The following PLEKHA7 variants were observed in gnomAD, a reference collection of about 807,000 sequenced individuals.
PLEKHA7 encodes pleckstrin homology domain containing A7.
In PLEKHA7, 104 loss-of-function variants were observed where a neutral mutation model predicts 170.0. That is an observed-to-expected ratio of 0.61 (90% CI 0.52 to 0.72). PLEKHA7 has a LOEUF of 0.72. Ranked by LOEUF, PLEKHA7 falls within the 30% of genes least tolerant of loss-of-function variation. The pLI is 0.00. For missense variants in PLEKHA7, 1,615 were observed against 1,671.7 expected (o/e 0.97, Z 0.59); for synonymous variants, 648 against 660.8 (o/e 0.98, Z 0.30).
Position 16,789,749 on chromosome 11 carries a change from G to A in PLEKHA7, c.3156+26C>T. 1 of 1,583,822 alleles carries A rather than the reference G, an allele frequency of 6.3e-7. No homozygotes were observed. Among genetic ancestry groups the A allele is most frequent in the Non-Finnish European group, 8.7e-7 (1 of 1,153,520 alleles). On this transcript the variant is annotated intron_variant, in intron 22 of 26. Transcript: ENST00000531066. The surrounding 1 kb of genome is among the most constrained non-coding windows in gnomAD (Gnocchi z 4.6). The stretch of plus-strand genomic sequence containing the variant: ...CCTCCCCATGTGAAGGAGCAGGGAG[G>A]TCCTCGACAGCTCAAGGCCACTCAC...
intron 3 of PLEKHA7, among the ~76,000 whole-genome samples, chr11:16,956,496 G>T (rs1861711174): frequency 6.6e-6 from 1 of 152,228 alleles, no homozygotes; most frequent in Non-Finnish European, 1.5e-5. Context: ...TCTCAGTTTA[G>T]TGTTCCTCCC....
intron 17 of PLEKHA7, among the ~76,000 whole-genome samples, chr11:16,798,218 C>T (rs572803000): frequency 1.3e-5 from 2 of 152,338 alleles, no homozygotes; most frequent in South Asian, 2.1e-4. Flanking sequence ...TTTTCTAGGG[C>T]TCTAACAGCC....
intron 3 of PLEKHA7, among the ~76,000 whole-genome samples, chr11:17,009,710 A>G (rs985391090): frequency 6.6e-6 from 1 of 152,014 alleles, no homozygotes; most frequent in African/African-American, 2.4e-5. Flanking sequence ...ATCATAGCTC[A>G]TGGTAAACTC....
At chr11:16,823,996 T>C (rs1850440651) in intron 10 of PLEKHA7, among the ~76,000 whole-genome samples, 1 of 152,184 alleles carries the variant, frequency 6.6e-6, no homozygotes, top group African/African-American at 2.4e-5. Context: ...AAGTGAAATA[T>C]GCCAGGCACA....
chr11:16,937,112 T>C (rs1425257857), intron 3 of PLEKHA7, among the ~76,000 whole-genome samples: 1 of 152,084 alleles, frequency 6.6e-6, no homozygotes, highest in African/African-American at 2.4e-5. Flanking sequence ...AAATTGTTAA[T>C]AACCGTGGAG....
chr11:16,924,372 G>A (rs1031550076), intron 3 of PLEKHA7, among the ~76,000 whole-genome samples: 9 of 152,188 alleles, frequency 5.9e-5, no homozygotes, highest in African/African-American at 1.9e-4. Flanking sequence ...GGGCACTGGC[G>A]GAGCACGCAA....
In PLEKHA7 at chr11:16,855,079, T is replaced by C. The variant is rs558766840; in HGVS notation, c.418-86A>G. 7.3e-6 allele frequency: 8 copies of C among 1,090,724 alleles called. No individual in the cohort carries two copies. The African/African-American group carries it at 1.1e-4, about 15-fold the overall frequency. The allele number at this position is 1,090,724 out of a possible 1,614,324, so 67.6% of individuals were successfully genotyped here. A position where few individuals can be genotyped will look rare whatever the true frequency, so the allele number is the denominator to read the frequency against. ...TGTATGTTAGGAGGACCGTCGGCTC[T>C]CTCTGCCTCACTCTAAATGGCAGCA... On this transcript the variant is annotated intron_variant, in intron 5 of 26. Coordinates refer to ENST00000531066, the MANE Select transcript of PLEKHA7 (RefSeq NM_001329630.2).
chr11:16,955,511 A>G (rs1049050193), intron 3 of PLEKHA7, among the ~76,000 whole-genome samples: 1 of 152,226 alleles, frequency 6.6e-6, no homozygotes, highest in Non-Finnish European at 1.5e-5. Flanking sequence ...CCTGGCACCC[A>G]GTAGAGGTTC....
chr11:16,818,885 C>T (rs1026792810), intron 10 of PLEKHA7, among the ~76,000 whole-genome samples: 7 of 151,682 alleles, frequency 4.6e-5, no homozygotes, highest in Non-Finnish European at 8.8e-5. Flanking sequence ...CTCACTGCAA[C>T]CTTCGCCTCC....
chr11:16,820,022 C>T (rs1032938467), intron 10 of PLEKHA7, among the ~76,000 whole-genome samples: 1 of 152,146 alleles, frequency 6.6e-6, no homozygotes. Context: ...ATAATGTATA[C>T]ATATATTAAA....
At chr11:16,975,170 C>A (rs1292639421) in intron 3 of PLEKHA7, among the ~76,000 whole-genome samples, 1 of 152,014 alleles carries the variant, frequency 6.6e-6, no homozygotes, top group Non-Finnish European at 1.5e-5. Context: ...AGAAATGTAC[C>A]CTCTTCTAAG....
chr11:16,987,804 C>T (rs1382223993), intron 3 of PLEKHA7, among the ~76,000 whole-genome samples: 1 of 151,870 alleles, frequency 6.6e-6, no homozygotes, highest in African/African-American at 2.4e-5. Flanking sequence ...CTGCCTCCTA[C>T]ACTCAACTAG....
At chr11:16,828,272 G>C (rs746290946) in intron 9 of PLEKHA7, among the ~76,000 whole-genome samples, 8 of 152,202 alleles carry the variant, frequency 5.3e-5, no homozygotes, top group Admixed American at 1.3e-4. Context: ...TCTCCTGACA[G>C]TGGGTGCGTT....
intron 9 of PLEKHA7, 85 bp from the exon 10 acceptor site, chr11:16,826,675 T>G: frequency 1.6e-6 from 2 of 1,218,252 alleles, no homozygotes; most frequent in Non-Finnish European, 2.3e-6. Context: ...CCTGCAGGCC[T>G]TTGCACAGGC....
chr11:16,827,181 G>A (rs955235888), intron 9 of PLEKHA7, among the ~76,000 whole-genome samples: 2 of 152,198 alleles, frequency 1.3e-5, no homozygotes, highest in Non-Finnish European at 2.9e-5. Flanking sequence ...AAGTACAAAT[G>A]ATAGCATAAT....
At chr11:16,987,327 C>A (rs571175001) in intron 3 of PLEKHA7, among the ~76,000 whole-genome samples, 1 of 150,824 alleles carries the variant, frequency 6.6e-6, no homozygotes, top group Non-Finnish European at 1.5e-5. Context: ...GCTAGGCCAA[C>A]CTTGGCCTTG....
At chr11:16,886,292 G>A (rs553661106) in intron 3 of PLEKHA7, among the ~76,000 whole-genome samples, 30 of 152,306 alleles carry the variant, frequency 2.0e-4, no homozygotes, top group Non-Finnish European at 4.1e-4. Context: ...CACAGGCCCT[G>A]GAGTTCAGCT....
chr11:16,981,482 A>C (rs1863424124), intron 3 of PLEKHA7, among the ~76,000 whole-genome samples: 2 of 152,078 alleles, frequency 1.3e-5, no homozygotes, highest in African/African-American at 4.8e-5. Context: ...TTCACCCCTC[A>C]GTGATGCTCC....
chr11:16,996,467 C>A (rs1159496712), intron 3 of PLEKHA7, among the ~76,000 whole-genome samples: 1 of 152,198 alleles, frequency 6.6e-6, no homozygotes, highest in Non-Finnish European at 1.5e-5. Context: ...AACGTAGCCC[C>A]TGACAGCCTT....
Sources: gnomAD v4.1 joint callset for allele counts (sites outside exome capture counted in the v4.1 genomes callset) on GRCh38, gnomAD v4.1.1 for gene constraint, Gnocchi (gnomAD v3.1) non-coding constraint, MANE v1.5 for transcripts, NCBI Gene and HGNC (gene_info 2026-07-23, HGNC 2026-07-21) for gene names.